Variants in ASAP1 observed in about 807,000 individuals in gnomAD.
ASAP1 encodes ArfGAP with SH3 domain, ankyrin repeat and PH domain 1.
ASAP1 carries 43 observed loss-of-function variants against 145.2 expected under a neutral mutation model. That is an observed-to-expected ratio of 0.30 (90% CI 0.23 to 0.38). The LOEUF (loss-of-function observed/expected upper bound fraction) is 0.38. Among genes scored for constraint, ASAP1 ranks in the 10% least tolerant of loss-of-function variants. The pLI is 1.00. For synonymous variants in ASAP1, 546 were observed against 515.5 expected, an observed-to-expected ratio of 1.06 and a Z score of -0.80; for missense variants, 1,018 against 1,355.3, an observed-to-expected ratio of 0.75 and a Z score of 3.91.
At chr8:130,216,835 A>G (rs939270844) in intron 4 of ASAP1, among the ~76,000 whole-genome samples, 2 of 152,244 alleles carry the variant, frequency 1.3e-5, no homozygotes, top group Non-Finnish European at 1.5e-5. Context: ...TCTTCTTCCC[A>G]TTCTTTTTCT....
At chr8:130,321,090 T>C (rs1823976176) in intron 3 of ASAP1, among the ~76,000 whole-genome samples, 1 of 152,120 alleles carries the variant, frequency 6.6e-6, no homozygotes. Context: ...CAAGACACAA[T>C]AAGTTTAATC....
chr8:130,166,367 T>C (rs553195167), intron 11 of ASAP1, among the ~76,000 whole-genome samples: 1 of 152,284 alleles, frequency 6.6e-6, no homozygotes, highest in Admixed American at 6.5e-5. Flanking sequence ...AGAAAACAAA[T>C]GGTGCTTACT....
At chr8:130,244,256 T>C (rs551429760) in intron 3 of ASAP1, among the ~76,000 whole-genome samples, 2 of 152,282 alleles carry the variant, frequency 1.3e-5, no homozygotes, top group African/African-American at 4.8e-5. Flanking sequence ...TGTCTGACAT[T>C]TGAGGACCTG....
chr8:130,296,390 G>A lies in ASAP1; in HGVS notation c.187-59396C>T, dbSNP rs879093997. On this transcript the variant is annotated intron_variant, in intron 3 of 29. Coordinates refer to ENST00000518721, the MANE Select transcript of ASAP1 (RefSeq NM_018482.4). ...TTCAACAAAGGCACACAGAGCTCGG[G>A]CCACTGGAGGAAGCAGCAAGCACCC... Among the ~76,000 whole-genome samples the A allele has an allele frequency of 5.3e-5, 8 of 152,174 alleles. No individual in the cohort carries two copies. The South Asian group carries it at 1.4e-3, about 28-fold the overall frequency.
intron 2 of ASAP1, among the ~76,000 whole-genome samples, chr8:130,382,801 C>A (rs1283519278): frequency 1.3e-5 from 2 of 151,454 alleles, no homozygotes; most frequent in South Asian, 2.1e-4. Flanking sequence ...GCTGAGATTG[C>A]GCACCACTGC....
chr8:130,384,948 T>C lies in ASAP1; in HGVS notation c.59+16937A>G, dbSNP rs956679934. Among the ~76,000 whole-genome samples, 3 of 152,130 alleles carry C rather than the reference T, an allele frequency of 2.0e-5. No homozygotes were observed. The East Asian group carries it at 5.8e-4, about 29-fold the overall frequency. ...GAGAGAGGCAGAGACTGAACATAAA[T>C]AAAAGCGAGACAGTGTCCCACGTAC... On this transcript the variant is annotated intron_variant, in intron 2 of 29. Coordinates refer to ENST00000518721, the MANE Select transcript of ASAP1 (RefSeq NM_018482.4).
intron 4 of ASAP1, among the ~76,000 whole-genome samples, chr8:130,217,076 T>C (rs1019177800): frequency 6.6e-5 from 10 of 152,128 alleles, no homozygotes; most frequent in African/African-American, 2.4e-4. Context: ...CCCCATACTC[T>C]CAAAGTAAGG....
At chr8:130,095,254 T>C (rs1264838208) in intron 24 of ASAP1, among the ~76,000 whole-genome samples, 5 of 151,130 alleles carry the variant, frequency 3.3e-5, no homozygotes, top group Non-Finnish European at 7.4e-5. Flanking sequence ...ACTGAATAAA[T>C]AGAAGACTCA....
At chr8:130,187,755 T>G (rs1019308084) in intron 6 of ASAP1, among the ~76,000 whole-genome samples, 4 of 152,060 alleles carry the variant, frequency 2.6e-5, no homozygotes, top group Non-Finnish European at 4.4e-5. Context: ...ACAAGAAGCC[T>G]GAGAGAGGAA....
At chr8:130,136,873 A>G (rs2097596012) in intron 14 of ASAP1, 78 bp downstream of exon 14, 1 of 1,239,396 alleles carries the variant, frequency 8.1e-7, no homozygotes, top group African/African-American at 1.5e-5. Flanking sequence ...TGCTTGGAAA[A>G]GCTGCTGACC....
intron 18 of ASAP1, among the ~76,000 whole-genome samples, chr8:130,119,599 T>A (rs1165044735): frequency 6.6e-6 from 1 of 151,814 alleles, no homozygotes; most frequent in Non-Finnish European, 1.5e-5. Context: ...AAAGGAGAGG[T>A]AGGAGTCAAG....
chr8:130,085,492 T>C (rs192740787), intron 25 of ASAP1, among the ~76,000 whole-genome samples: 33 of 152,276 alleles, frequency 2.2e-4, no homozygotes, highest in African/African-American at 7.5e-4. Context: ...CCCAGCACTT[T>C]GGGAGGTCAA....
intron 3 of ASAP1, among the ~76,000 whole-genome samples, chr8:130,312,283 A>G (rs868027806): frequency 6.6e-6 from 1 of 151,872 alleles, no homozygotes; most frequent in Admixed American, 6.6e-5. Flanking sequence ...TCTTTAAAAA[A>G]AAAAAAAAAA....
intron 3 of ASAP1, among the ~76,000 whole-genome samples, chr8:130,300,827 A>G (rs575093519): frequency 1.3e-5 from 2 of 152,352 alleles, no homozygotes; most frequent in East Asian, 1.9e-4. Flanking sequence ...AGGAGACATC[A>G]TCCAAATCTT....
intron 7 of ASAP1, among the ~76,000 whole-genome samples, chr8:130,185,420 T>C (rs1814647570): frequency 6.6e-6 from 1 of 152,126 alleles, no homozygotes; most frequent in Non-Finnish European, 1.5e-5. Context: ...ATTTAGATTG[T>C]AGAGGACAAT....
intron 7 of ASAP1, among the ~76,000 whole-genome samples, chr8:130,183,284 T>C (rs1165620906): frequency 1.3e-5 from 2 of 152,022 alleles, no homozygotes; most frequent in Non-Finnish European, 2.9e-5. Context: ...TTAGCAATAC[T>C]GGAAAGTAGA....
At chr8:130,424,111 A>G (rs1222012861) in intron 1 of ASAP1, among the ~76,000 whole-genome samples, 1 of 152,256 alleles carries the variant, frequency 6.6e-6, no homozygotes, top group Non-Finnish European at 1.5e-5. Context: ...ATAATTTAAA[A>G]TGGATAACAA....
In ASAP1 at chr8:130,358,006, G is replaced by A; in HGVS notation, c.186+11C>T. ...GCGAGCGTGGACGGCGGGGGTCCCG[G>A]CCCGACCTACCTCCTCCAGCAGCGT... On this transcript the variant is annotated intron_variant, in intron 3 of 29. Coordinates refer to ENST00000518721, the MANE Select transcript of ASAP1 (RefSeq NM_018482.4). This position sits in a 1 kb window ranked among gnomAD's most constrained non-coding sequence, Gnocchi z 4.1. 1.2e-6 allele frequency: 2 copies of A among 1,600,864 alleles called. No individual in the cohort carries two copies. The highest frequency in any genetic ancestry group is 8.5e-7 in the Non-Finnish European group (1 of 1,176,154).
chr8:130,369,549 A>G (rs1223240723), intron 2 of ASAP1, among the ~76,000 whole-genome samples: 13 of 152,260 alleles, frequency 8.5e-5, no homozygotes, highest in Admixed American at 8.5e-4. Context: ...TAACTAATTT[A>G]AAAGTGGACA....
Sources: gnomAD v4.1 joint callset for allele counts (sites outside exome capture counted in the v4.1 genomes callset) on GRCh38, gnomAD v4.1.1 for gene constraint, Gnocchi (gnomAD v3.1) non-coding constraint, MANE v1.5 for transcripts, NCBI Gene and HGNC (gene_info 2026-07-23, HGNC 2026-07-21) for gene names.